SBF2: variants seen among roughly 807,000 people sequenced by gnomAD.
SBF2 encodes the protein myotubularin-related protein 13.
Under a neutral mutation model 225.2 loss-of-function variants are expected in SBF2, and 112 were observed. The observed-to-expected ratio is 0.50, with a 90% CI of 0.43 to 0.58. SBF2 has a LOEUF of 0.58. Among genes scored for constraint, SBF2 ranks in the 20% least tolerant of loss-of-function variants. SBF2 has a pLI of 0.00. For synonymous variants in SBF2, 763 were observed against 773.3 expected (o/e 0.99, Z 0.22); for missense variants, 1,996 against 2,206.2 (o/e 0.90, Z 1.91).
chr11:9,917,394 C>T (rs1237509827), intron 16 of SBF2, among the ~76,000 whole-genome samples: 7 of 151,562 alleles, frequency 4.6e-5, no homozygotes, highest in East Asian at 1.9e-4. Context: ...TGCAGTGACA[C>T]GGTCTTGGCT....
chr11:10,090,073 G>A (rs1253877108), intron 2 of SBF2, among the ~76,000 whole-genome samples: 4 of 152,268 alleles, frequency 2.6e-5, no homozygotes, highest in South Asian at 2.1e-4. Context: ...AGTGAAATAA[G>A]CCAGACACAA....
intron 6 of SBF2, among the ~76,000 whole-genome samples, chr11:10,011,703 T>C (rs1948467457): frequency 6.6e-6 from 1 of 152,218 alleles, no homozygotes; most frequent in African/African-American, 2.4e-5. Flanking sequence ...TCCCGTTCTT[T>C]CTGTTGAGAG....
intron 32 of SBF2, among the ~76,000 whole-genome samples, chr11:9,797,004 TCAAA>T (rs1275335076): frequency 2.6e-5 from 4 of 152,238 alleles, no homozygotes; most frequent in Admixed American, 2.0e-4. Flanking sequence ...TCTATATTGC[TCAAA>T]CAATCTCTCA....
At chr11:9,836,614 T>C (rs747264210) in intron 26 of SBF2, among the ~76,000 whole-genome samples, 2 of 152,178 alleles carry the variant, frequency 1.3e-5, no homozygotes, top group Non-Finnish European at 1.5e-5. Flanking sequence ...AATTACCTTT[T>C]CAGTTTCCAT....
In SBF2 at chr11:9,826,676, C is replaced by G. The variant is rs551527624; in HGVS notation, c.3793+2680G>C. 7.9e-5 allele frequency among the ~76,000 whole-genome samples: 12 copies of G among 151,044 alleles called. No individual in the cohort carries two copies. The East Asian group carries it at 2.4e-3, about 30-fold the overall frequency. On this transcript the variant is annotated intron_variant, in intron 28 of 39. Transcript: ENST00000256190. ...TGAGTTTCCCATTACTGATGATGTT[C>G]AAGCAGAAACAAGATTACTTACTTA...
intron 2 of SBF2, among the ~76,000 whole-genome samples, chr11:10,113,097 G>A (rs948156686): frequency 9.2e-5 from 14 of 152,186 alleles, no homozygotes; most frequent in African/African-American, 3.1e-4. Flanking sequence ...GGGCTTAAGC[G>A]ATCCTCCCAC....
intron 8 of SBF2, 123 bp from the exon 9 acceptor site, chr11:9,998,502 A>C: frequency 1.6e-6 from 1 of 631,826 alleles, no homozygotes; most frequent in Non-Finnish European, 2.8e-6. Context: ...TTGTTTGTCC[A>C]TAGTAGTAGA....
At chr11:9,904,541 T>G (rs7119074) in intron 16 of SBF2, among the ~76,000 whole-genome samples, 100,357 of 152,030 alleles carry the variant, frequency 0.66, 33,409 homozygotes, top group African/African-American at 0.75. Context: ...TAACTGATAG[T>G]TCAAGCAGGT....
intron 2 of SBF2, among the ~76,000 whole-genome samples, chr11:10,045,383 T>C (rs1223411010): frequency 6.6e-6 from 1 of 152,140 alleles, no homozygotes; most frequent in Non-Finnish European, 1.5e-5. Flanking sequence ...GCCAGGCTGG[T>C]CTTGAACTCC....
At chr11:9,968,009 C>T (rs1156321219) in intron 14 of SBF2, among the ~76,000 whole-genome samples, 2 of 147,876 alleles carry the variant, frequency 1.4e-5, no homozygotes, top group Non-Finnish European at 3.0e-5. Flanking sequence ...TATATATTCT[C>T]AAATTAAATA....
intron 16 of SBF2, among the ~76,000 whole-genome samples, chr11:9,919,284 A>G (rs1254363274): frequency 1.3e-5 from 1 of 74,370 alleles, no homozygotes; most frequent in African/African-American, 4.9e-5. Context: ...TTTTTTTTTG[A>G]GATAGAGTTT....
intron 13 of SBF2, among the ~76,000 whole-genome samples, chr11:9,987,775 A>C (rs1333133644): frequency 6.6e-6 from 1 of 152,206 alleles, no homozygotes; most frequent in African/African-American, 2.4e-5. Flanking sequence ...CAGACAATGC[A>C]AACAAATGGA....
At chr11:10,109,238 A>G (rs1196929917) in intron 2 of SBF2, among the ~76,000 whole-genome samples, 1 of 152,212 alleles carries the variant, frequency 6.6e-6, no homozygotes, top group Non-Finnish European at 1.5e-5. Context: ...AATAAACCTT[A>G]TAATGTTATT....
intron 2 of SBF2, among the ~76,000 whole-genome samples, chr11:10,140,209 CT>C (rs1222634786): frequency 6.6e-6 from 1 of 152,076 alleles, no homozygotes. Context: ...TCAGAAGTGT[CT>C]TTTTTTATGC....
intron 1 of SBF2, among the ~76,000 whole-genome samples, chr11:10,288,921 C>A (rs1338432179): frequency 1.3e-5 from 2 of 152,180 alleles, no homozygotes; most frequent in Non-Finnish European, 2.9e-5. Context: ...CCCCAGTCTT[C>A]AAGCCCTCCC....
chr11:9,816,744 TAAAAAAAATTCTAGCAAA>T, intron 29 of SBF2, 78 bp downstream of exon 29: 1 of 1,219,128 alleles, frequency 8.2e-7, no homozygotes, highest in South Asian at 1.4e-5. Flanking sequence ...AATCATGCTG[TAAAAAAAATTCTAGCAAA>T]GCTGGTTTGT....
At chr11:9,929,137 CTTT>C (rs1699077483) in intron 16 of SBF2, 1 of 257,076 alleles carries the variant, frequency 3.9e-6, no homozygotes. Context: ...AAAGCTCATC[CTTT>C]TACAACTACA....
intron 16 of SBF2, chr11:9,928,941 G>C: frequency 2.3e-6 from 1 of 433,654 alleles, no homozygotes; most frequent in Non-Finnish European, 4.4e-6. Flanking sequence ...TTTCTTGTTC[G>C]AGTTCAAAAC....
Position 10,125,350 on chromosome 11 carries a change from G to GT in SBF2, c.141+68551dup, listed in dbSNP as rs1482300148. Among the ~76,000 whole-genome samples, 6 of 151,674 alleles carry GT rather than the reference G, an allele frequency of 4.0e-5. No individual in the cohort carries two copies. In the East Asian group the frequency reaches 7.8e-4, roughly 20 times the overall value. On this transcript the variant is annotated intron_variant, in intron 2 of 39. Transcript: ENST00000256190. Reference sequence around the variant, plus strand: ...TTCCCTTTTTTGCTATCTTCATTAAGTTTTTTTTGTACTGAAGTAATGCCA... The same window carrying GT: ...TTCCCTTTTTTGCTATCTTCATTAAGTTTTTTTTTGTACTGAAGTAATGCCA...
Sources: allele counts gnomAD v4.1 joint callset (sites outside exome capture counted in the v4.1 genomes callset), GRCh38; gene constraint gnomAD v4.1.1; transcripts MANE v1.5; gene names NCBI Gene and HGNC (gene_info 2026-07-23, HGNC 2026-07-21).